Variants in RAB38 observed in about 807,000 individuals in gnomAD.
RAB38 encodes ras-related protein Rab-38.
RAB38 carries 15 observed loss-of-function variants against 18.4 expected under a neutral mutation model. That is an observed-to-expected ratio of 0.82 (90% CI 0.55 to 1.26). RAB38 has a LOEUF of 1.26. Among genes scored for constraint, RAB38 ranks in the 50% most tolerant of loss-of-function variants. RAB38 has a pLI of 0.00. For missense variants in RAB38, 294 were observed against 267.4 expected, an observed-to-expected ratio of 1.10 and a Z score of -0.69; for synonymous variants, 101 against 104.4, an observed-to-expected ratio of 0.97 and a Z score of 0.20.
chr11:87,844,550 T>C, the RAB38 span, among the ~76,000 whole-genome samples: 2 of 152,206 alleles, frequency 1.3e-5, no homozygotes, highest in African/African-American at 4.8e-5. Flanking sequence ...TTTGGTCTGA[T>C]TCCAAAGTCT....
the RAB38 span, among the ~76,000 whole-genome samples, chr11:87,866,925 C>A: frequency 6.6e-6 from 1 of 151,704 alleles, no homozygotes; most frequent in Non-Finnish European, 1.5e-5. Context: ...AACACCTTTC[C>A]CTATAGAGTT....
chr11:88,037,012 CTTATT>C, the RAB38 span, among the ~76,000 whole-genome samples: 9 of 151,806 alleles, frequency 5.9e-5, no homozygotes, highest in Admixed American at 4.6e-4. Context: ...CAAACTTTTT[CTTATT>C]TTATTTCTAT....
At chr11:88,091,898 A>C in the RAB38 span, among the ~76,000 whole-genome samples, 1 of 151,988 alleles carries the variant, frequency 6.6e-6, no homozygotes, top group African/African-American at 2.4e-5. Flanking sequence ...CTCTTGGTAA[A>C]CCCACTTTCA....
the RAB38 span, among the ~76,000 whole-genome samples, chr11:87,893,390 A>ATATATATATTTTTTTTTT: frequency 1.1e-5 from 1 of 93,916 alleles, no homozygotes; most frequent in African/African-American, 3.7e-5. Flanking sequence ...ATATATATAT[A>ATATATATATTTTTTTTTT]TTTTTTTTTT....
the RAB38 span, chr11:88,060,251 A>G: frequency 1.3e-5 from 2 of 152,058 alleles, no homozygotes; most frequent in African/African-American, 2.4e-5. Flanking sequence ...CCTTATTAAA[A>G]TCCTGACATC....
At chr11:88,049,457 C>A in the RAB38 span, among the ~76,000 whole-genome samples, 1 of 151,750 alleles carries the variant, frequency 6.6e-6, no homozygotes, top group Non-Finnish European at 1.5e-5. Context: ...AGAGAATAAC[C>A]CCCCCGATTT....
the RAB38 span, among the ~76,000 whole-genome samples, chr11:88,009,599 T>C: frequency 2.6e-5 from 4 of 152,118 alleles, no homozygotes; most frequent in Non-Finnish European, 5.9e-5. Context: ...ATATGATAAA[T>C]AGTACTGAGA....
chr11:87,835,059 T>A, the RAB38 span, among the ~76,000 whole-genome samples: 1 of 152,166 alleles, frequency 6.6e-6, no homozygotes, highest in Admixed American at 6.5e-5. Flanking sequence ...AATTCAATCA[T>A]GTAGAAGCAT....
chr11:87,882,879 A>T, the RAB38 span, among the ~76,000 whole-genome samples: 1 of 151,890 alleles, frequency 6.6e-6, no homozygotes, highest in African/African-American at 2.4e-5. Context: ...CCCAAGAAAA[A>T]AAATAAGTTT....
downstream of RAB38, among the ~76,000 whole-genome samples, chr11:88,110,734 T>G (rs1287708789): frequency 6.6e-6 from 1 of 151,624 alleles, no homozygotes; most frequent in Admixed American, 6.6e-5. Context: ...GAAGAATCAC[T>G]TGAACCTGGG....
At chr11:88,034,369 C>G in the RAB38 span, among the ~76,000 whole-genome samples, 1 of 152,146 alleles carries the variant, frequency 6.6e-6, no homozygotes, top group South Asian at 2.1e-4. Context: ...CATAAATGCC[C>G]AAGAACACAA....
chr11:88,145,410 G>C (rs1194437158), intron 2 of RAB38, among the ~76,000 whole-genome samples: 1 of 152,132 alleles, frequency 6.6e-6, no homozygotes, highest in African/African-American at 2.4e-5. Context: ...GCCTCCCAAA[G>C]TGCTGAGATT....
chr11:87,976,978 A>T, the RAB38 span, among the ~76,000 whole-genome samples: 16 of 34,748 alleles, frequency 4.6e-4, 4 homozygotes, highest in African/African-American at 1.4e-3. Flanking sequence ...GTATATTATA[A>T]AATATAATTA....
At chr11:87,831,367 C>CA in the RAB38 span, among the ~76,000 whole-genome samples, 6 of 152,100 alleles carry the variant, frequency 3.9e-5, no homozygotes. Context: ...CAGAGGCATG[C>CA]ATTTTAGGGT....
At chr11:87,953,033 T>TATA in the RAB38 span, among the ~76,000 whole-genome samples, 1 of 152,128 alleles carries the variant, frequency 6.6e-6, no homozygotes, top group Admixed American at 6.6e-5. Flanking sequence ...TTAAAAATTC[T>TATA]ATAAAGTTGA....
At chr11:88,138,018 C>T (rs1013266556) in intron 2 of RAB38, among the ~76,000 whole-genome samples, 3 of 152,148 alleles carry the variant, frequency 2.0e-5, no homozygotes, top group Non-Finnish European at 4.4e-5. Flanking sequence ...AAATGTCATG[C>T]ATCTTTTCCT....
At chr11:87,931,937 GA>G in the RAB38 span, among the ~76,000 whole-genome samples, 1 of 151,810 alleles carries the variant, frequency 6.6e-6, no homozygotes. Context: ...CAATGCACAG[GA>G]GGGGTGGGGT....
At chr11:88,044,968 A>C in the RAB38 span, among the ~76,000 whole-genome samples, 3 of 152,126 alleles carry the variant, frequency 2.0e-5, no homozygotes, top group African/African-American at 7.2e-5. Context: ...CCACCTGCCC[A>C]GCAATTTCCT....
the RAB38 span, among the ~76,000 whole-genome samples, chr11:87,805,690 C>A: frequency 6.6e-6 from 1 of 151,256 alleles, no homozygotes; most frequent in Admixed American, 6.6e-5. Context: ...TGTGTATATA[C>A]ATATACACAT....
Sources: allele counts gnomAD v4.1 joint callset (sites outside exome capture counted in the v4.1 genomes callset), GRCh38; gene constraint gnomAD v4.1.1; transcripts MANE v1.5; gene names NCBI Gene and HGNC (gene_info 2026-07-23, HGNC 2026-07-21).